CPLX2: variants seen among roughly 807,000 people sequenced by gnomAD.
CPLX2 encodes complexin 2.
CPLX2 carries 5 observed loss-of-function variants against 16.3 expected under a neutral mutation model. The ratio of observed to expected loss-of-function variants is 0.31; its 90% CI spans 0.16 to 0.64. The LOEUF (loss-of-function observed/expected upper bound fraction) is 0.64, where lower values mean the gene tolerates loss of function less well. Ranked by LOEUF, CPLX2 falls within the 30% of genes least tolerant of loss-of-function variation. CPLX2 has a pLI of 0.79. For synonymous variants in CPLX2, 89 were observed against 73.2 expected (o/e 1.22, Z -1.10); for missense variants, 144 against 181.4 (o/e 0.79, Z 1.18).
intron 2 of CPLX2, among the ~76,000 whole-genome samples, chr5:175,856,058 G>T (rs1457449074): frequency 6.6e-6 from 1 of 152,178 alleles, no homozygotes; most frequent in Non-Finnish European, 1.5e-5. Flanking sequence ...CCTGGTTCCA[G>T]AAGGACAGAT....
intron 2 of CPLX2, among the ~76,000 whole-genome samples, chr5:175,841,072 T>C (rs1758936041): frequency 6.6e-6 from 1 of 152,194 alleles, no homozygotes; most frequent in South Asian, 2.1e-4. Context: ...AGGAATGTTT[T>C]AAGGTAGAAA....
chr5:175,880,279 C>T lies in CPLX2; in HGVS notation c.*234C>T, dbSNP rs747220047. ...TGAAAAAGGGAGGACAGTCTTTCCC[C>T]AGCAGGGGTCAGGGGGGCCCCTCAG... On this transcript the variant is annotated 3_prime_UTR_variant, in exon 4 of 4. Coordinates refer to ENST00000393745, the MANE Select transcript of CPLX2 (RefSeq NM_001008220.2). The T allele has an allele frequency of 1.6e-4, 100 of 623,786 alleles. No homozygotes were observed. The highest frequency in any genetic ancestry group is 1.6e-3 in the South Asian group (91 of 58,642). The allele number at this position is 623,786 out of a possible 1,614,324, so 38.6% of individuals were successfully genotyped here. A position where few individuals can be genotyped will look rare whatever the true frequency, so the allele number is the denominator to read the frequency against.
chr5:175,860,414 A>C (rs780994706), intron 2 of CPLX2, among the ~76,000 whole-genome samples: 40 of 150,962 alleles, frequency 2.6e-4, no homozygotes, highest in Non-Finnish European at 4.9e-4. Context: ...AAAAAAAATA[A>C]AGAAAGGAAG....
At chr5:175,860,534 AAGAAAGAT>A (rs1446033943) in intron 2 of CPLX2, among the ~76,000 whole-genome samples, 1,259 of 23,514 alleles carry the variant, frequency 0.054, 32 homozygotes, top group East Asian at 0.27. Context: ...GAAAGAAAGA[AAGAAAGAT>A]AGATAGAAAG....
At position 175,881,245 on chromosome 5, in the gene CPLX2, A is replaced by G. The variant is rs748818020; in HGVS notation, c.*1200A>G. ...AGACTGCAACAGGGATTGTGTGTTC[A>G]GAGATCATATGCATATGTGTAGGGC... On this transcript the variant is annotated 3_prime_UTR_variant, in exon 4 of 4. Transcript: ENST00000393745. The G allele has an allele frequency of 6.5e-6, 1 of 153,420 alleles. No individual in the cohort carries two copies. The highest frequency in any genetic ancestry group is 1.5e-5 in the Non-Finnish European group (1 of 68,210). The allele number at this position is 153,420 out of a possible 1,614,324, so 9.5% of individuals were successfully genotyped here. A position where few individuals can be genotyped will look rare whatever the true frequency, so the allele number is the denominator to read the frequency against.
At chr5:175,861,569 G>A (rs1436939008) in intron 2 of CPLX2, 3 of 152,346 alleles carry the variant, frequency 2.0e-5, no homozygotes, top group Admixed American at 2.0e-4. Context: ...GAGAGTCACA[G>A]AGAGGATCAA....
intron 2 of CPLX2, among the ~76,000 whole-genome samples, chr5:175,841,278 A>C (rs1758938964): frequency 6.6e-6 from 1 of 152,200 alleles, no homozygotes; most frequent in Non-Finnish European, 1.5e-5. Context: ...ACGGAGACAG[A>C]CACTCAGATG....
At chr5:175,803,849 C>T (rs1463823830) in intron 1 of CPLX2, among the ~76,000 whole-genome samples, 1 of 152,202 alleles carries the variant, frequency 6.6e-6, no homozygotes. Flanking sequence ...AGGGGCAGGC[C>T]AAGTGATGCA....
chr5:175,833,586 G>C (rs918976924), intron 2 of CPLX2, among the ~76,000 whole-genome samples: 1 of 152,160 alleles, frequency 6.6e-6, no homozygotes, highest in Non-Finnish European at 1.5e-5. Context: ...GTATGCAATA[G>C]GTCAAAGGCT....
At chr5:175,860,255 T>C (rs1759335637) in intron 2 of CPLX2, among the ~76,000 whole-genome samples, 1 of 151,488 alleles carries the variant, frequency 6.6e-6, no homozygotes, top group African/African-American at 2.4e-5. Flanking sequence ...CATTGGGAGG[T>C]CAAGGCAGGA....
At chr5:175,811,786 AG>A (rs2113634076) in intron 2 of CPLX2, among the ~76,000 whole-genome samples, 1 of 152,374 alleles carries the variant, frequency 6.6e-6, no homozygotes, top group Non-Finnish European at 1.5e-5. Flanking sequence ...AGCACTGAAG[AG>A]CTGGATAGCA....
At chr5:175,856,627 C>G (rs992383639) in intron 2 of CPLX2, among the ~76,000 whole-genome samples, 1 of 152,138 alleles carries the variant, frequency 6.6e-6, no homozygotes, top group African/African-American at 2.4e-5. Flanking sequence ...CTGCGGCATG[C>G]GAGAGGGAGC....
chr5:175,813,856 A>G (rs1426532313), intron 2 of CPLX2, among the ~76,000 whole-genome samples: 1 of 152,248 alleles, frequency 6.6e-6, no homozygotes, highest in East Asian at 1.9e-4. Flanking sequence ...TCCAAGGAAG[A>G]GGCTCAGACT....
chr5:175,858,149 C>T (rs1319072582), intron 2 of CPLX2, among the ~76,000 whole-genome samples: 1 of 152,222 alleles, frequency 6.6e-6, no homozygotes, highest in Non-Finnish European at 1.5e-5. Flanking sequence ...CTGCCATTCC[C>T]CGGGGAAAAG....
At chr5:175,834,486 C>T (rs181743985) in intron 2 of CPLX2, among the ~76,000 whole-genome samples, 45 of 152,228 alleles carry the variant, frequency 3.0e-4, no homozygotes, top group African/African-American at 9.4e-4. Context: ...ACAACTTCAA[C>T]GTAACGCAAT....
At chr5:175,803,875 T>A (rs1758145263) in intron 1 of CPLX2, among the ~76,000 whole-genome samples, 1 of 152,232 alleles carries the variant, frequency 6.6e-6, no homozygotes, top group East Asian at 1.9e-4. Context: ...AGGACTCACC[T>A]GCTGGGAAAT....
At position 175,879,080 on chromosome 5, in the gene CPLX2, T is replaced by C. The variant is rs1427606745; in HGVS notation, c.204T>C (p.Asp68=). 6.4e-7 allele frequency: 1 copy of C among 1,568,556 alleles called. No individual in the cohort carries two copies. The highest frequency in any genetic ancestry group is 8.6e-7 in the Non-Finnish European group (1 of 1,157,504). Residue 68 remains aspartate (D), a synonymous_variant, in exon 3 of 4, where the codon GAT becomes GAC. Coordinates refer to ENST00000393745, the MANE Select transcript of CPLX2 (RefSeq NM_001008220.2). The stretch of plus-strand genomic sequence containing the variant: ...AGAAGGTCCGGCAGCAGATCCGAGA[T>C]AAGGTCAGCTCCGCCCGCCCGCCCG... ...EREKVRQQIR[D]KYGLKKKEEK...
intron 2 of CPLX2, among the ~76,000 whole-genome samples, chr5:175,816,024 C>T (rs983999857): frequency 6.6e-6 from 1 of 152,208 alleles, no homozygotes; most frequent in African/African-American, 2.4e-5. Flanking sequence ...TGACTTAATA[C>T]AACAAAGATT....
chr5:175,801,795 T>G (rs779706971), intron 1 of CPLX2, among the ~76,000 whole-genome samples: 1 of 152,190 alleles, frequency 6.6e-6, no homozygotes, highest in Admixed American at 6.5e-5. Context: ...CGGGAGCACA[T>G]GCCAAGAAGT....
Sources: gnomAD v4.1 joint callset for allele counts (sites outside exome capture counted in the v4.1 genomes callset) on GRCh38, gnomAD v4.1.1 for gene constraint, MANE v1.5 for transcripts, NCBI Gene and HGNC (gene_info 2026-07-23, HGNC 2026-07-21) for gene names.